Variants in PRPF39 observed in about 807,000 individuals in gnomAD.
The protein encoded by PRPF39 is pre-mRNA processing factor 39.
Under a neutral mutation model 82.1 loss-of-function variants are expected in PRPF39, and 27 were observed. That is an observed-to-expected ratio of 0.33 (90% CI 0.24 to 0.45). The LOEUF is 0.45. Ranked by LOEUF, PRPF39 falls within the 20% of genes least tolerant of loss-of-function variation. The pLI, the probability that PRPF39 is intolerant of heterozygous loss-of-function variation, is 1.00. For missense variants in PRPF39, 581 were observed against 796.9 expected, an observed-to-expected ratio of 0.73 and a Z score of 3.26; for synonymous variants, 261 against 256.4, an observed-to-expected ratio of 1.02 and a Z score of -0.17.
chr14:45,113,839 G>A (rs939059283), intron 11 of PRPF39, among the ~76,000 whole-genome samples: 1 of 152,174 alleles, frequency 6.6e-6, no homozygotes, highest in Non-Finnish European at 1.5e-5. Flanking sequence ...GATCTTGACT[G>A]TGTTGTGCAT....
At position 45,110,346 on chromosome 14, in the gene PRPF39, T is replaced by C. The variant is rs928880867; in HGVS notation, c.1303+126T>C. On this transcript the variant is annotated intron_variant, in intron 9 of 13. Transcript: ENST00000355765. This position sits in a 1 kb window ranked among gnomAD's most constrained non-coding sequence, Gnocchi z 4.0. ...CAAACTTTTTCTCTAAAGGGCCAGA[T>C]AGTAAAAGCCACGTGTTCTGACTTT... 1.5e-6 allele frequency: 2 copies of C among 1,359,382 alleles called. No individual in the cohort carries two copies. The highest frequency in any genetic ancestry group is 2.5e-5 in the East Asian group (1 of 39,954). The allele number at this position is 1,359,382 out of a possible 1,614,324, so 84.2% of individuals were successfully genotyped here. A position where few individuals can be genotyped will look rare whatever the true frequency, so the allele number is the denominator to read the frequency against.
Position 45,110,665 on chromosome 14 carries a change from G to T in PRPF39, c.1420G>T (p.Ala474Ser). 6.3e-7 allele frequency: 1 copy of T among 1,576,860 alleles called. No homozygotes were observed. Among genetic ancestry groups the T allele is most frequent in the Admixed American group, 1.8e-5 (1 of 54,320 alleles). Residue 474 changes from alanine (A) to serine (S), a missense_variant, in exon 10 of 14, where the codon GCT (alanine) becomes TCT (serine). Physicochemically the swap from Ala to Ser is moderately conservative, Grantham distance 99. Transcript: ENST00000355765. The surrounding 1 kb of genome is among the most constrained non-coding windows in gnomAD (Gnocchi z 4.0). ...LERRHGNLEE[A>S]EHLLQDAIKN... ...ACGACGGCATGGAAATCTGGAAGAA[G>T]CTGAACATTTGCTTCAGGATGCCAT... is the stretch of plus-strand genomic sequence containing the variant.
intron 5 of PRPF39, 150 bp downstream of exon 5, chr14:45,102,846 C>T (rs1286949688): frequency 5.3e-6 from 4 of 749,644 alleles, no homozygotes; most frequent in Non-Finnish European, 8.2e-6. Context: ...TACATGCTTG[C>T]TTTTGACATT....
At chr14:45,088,313 G>GA (rs1035349849) in intron 1 of PRPF39, 68 of 163,462 alleles carry the variant, frequency 4.2e-4, no homozygotes, top group South Asian at 1.5e-3. Flanking sequence ...AGCAATTGTT[G>GA]AAAAAAAAAT....
intron 5 of PRPF39, among the ~76,000 whole-genome samples, chr14:45,103,399 T>C (rs144509491): frequency 1.3e-5 from 2 of 152,196 alleles, no homozygotes; most frequent in East Asian, 1.9e-4. Context: ...ATGTTTTCTA[T>C]TTTTTGTTAT....
chr14:45,096,527 T>G (rs750177521), intron 3 of PRPF39: 10 of 1,432,774 alleles, frequency 7.0e-6, no homozygotes, highest in Non-Finnish European at 9.3e-6. Flanking sequence ...TACATTTATT[T>G]CTCATTTTCC....
chr14:45,095,414 G>A lies in PRPF39; in HGVS notation c.175G>A (p.Glu59Lys). Residue 59 changes from glutamate to lysine, a missense_variant, in exon 2 of 14, where the codon GAA becomes AAA. Physicochemically the swap from Glu to Lys is moderately conservative, Grantham distance 56. Transcript: ENST00000355765. Reference protein sequence around the residue: ...PNVNASTEETEMASAVDLPVT... With the variant: ...PNVNASTEETKMASAVDLPVT... The stretch of plus-strand genomic sequence containing the variant: ...TGTGAATGCATCTACAGAAGAAACT[G>A]AAATGGCAAGTGCTGTGGACCTTCC... 6.2e-7 allele frequency: 1 copy of A among 1,613,990 alleles called. No homozygotes were observed. Among genetic ancestry groups the A allele is most frequent in the Non-Finnish European group, 8.5e-7 (1 of 1,179,890 alleles).
intron 4 of PRPF39, among the ~76,000 whole-genome samples, chr14:45,102,078 A>AT (rs2139052976): frequency 1.3e-5 from 2 of 152,240 alleles, no homozygotes; most frequent in East Asian, 3.9e-4. Context: ...AAGTGCTGCG[A>AT]TTACAGGCAT....
chr14:45,107,714 A>G, intron 6 of PRPF39, 98 bp downstream of exon 6: 1 of 1,250,970 alleles, frequency 8.0e-7, no homozygotes, highest in Non-Finnish European at 1.1e-6. Context: ...GGGTCACCTG[A>G]GGTCCGGAGT....
intron 4 of PRPF39, 99 bp downstream of exon 4, chr14:45,097,104 C>T (rs1279063355): frequency 2.2e-6 from 3 of 1,393,092 alleles, no homozygotes; most frequent in Non-Finnish European, 1.9e-6. Flanking sequence ...AGTTTAACTT[C>T]TATTCCATTG....
intron 1 of PRPF39, 21 bp from the exon 2 acceptor site, chr14:45,095,200 C>T: frequency 6.9e-7 from 1 of 1,447,414 alleles, no homozygotes; most frequent in Non-Finnish European, 9.4e-7. Flanking sequence ...AGATATTTCT[C>T]TTTTTTTCGT....
chr14:45,103,078 T>C (rs1777618605), intron 5 of PRPF39, among the ~76,000 whole-genome samples: 1 of 152,160 alleles, frequency 6.6e-6, no homozygotes, highest in Non-Finnish European at 1.5e-5. Context: ...TTTTTGAAAC[T>C]TAATGATTTG....
Position 45,096,156 on chromosome 14 carries a change from G to T in PRPF39, c.378G>T (p.Pro126=). 6.3e-7 allele frequency: 1 copy of T among 1,588,742 alleles called. No individual in the cohort carries two copies. Among genetic ancestry groups the T allele is most frequent in the Non-Finnish European group, 8.6e-7 (1 of 1,166,398 alleles). The change falls in exon 3 of 14, where the codon CCG becomes CCT. Residue 126 remains proline, a synonymous_variant. Transcript: ENST00000355765. The part of the protein sequence containing the change: ...KAFDRFFIHY[P]YCYGYWKKYA... ...TTGACAGATTTTTCATACACTATCC[G>T]TATTGCTATGGTTACTGGAAAAAGT...
chr14:45,087,568 T>TTTTTTG (rs1396480320), intron 1 of PRPF39, among the ~76,000 whole-genome samples: 7 of 149,744 alleles, frequency 4.7e-5, no homozygotes, highest in African/African-American at 1.8e-4. Flanking sequence ...GACTGTTTTT[T>TTTTTTG]TTTTGTTTTG....
At chr14:45,095,605 C>A in intron 2 of PRPF39, 42 bp downstream of exon 2, 1 of 1,488,470 alleles carries the variant, frequency 6.7e-7, no homozygotes, top group South Asian at 1.4e-5. Context: ...ACAAATTAAT[C>A]AAGTCATTAA....
chr14:45,100,487 C>T (rs226979), intron 4 of PRPF39, among the ~76,000 whole-genome samples: 20 of 152,166 alleles, frequency 1.3e-4, no homozygotes, highest in Admixed American at 5.9e-4. Context: ...CATAGCTGGG[C>T]GGGAAAGTTG....
intron 1 of PRPF39, among the ~76,000 whole-genome samples, chr14:45,092,572 G>A (rs1488355365): frequency 7.2e-6 from 1 of 139,830 alleles, no homozygotes; most frequent in Non-Finnish European, 1.5e-5. Flanking sequence ...CTGCACTCCC[G>A]CCTGGGTGAC....
chr14:45,104,141 C>T (rs1884455367), intron 5 of PRPF39, among the ~76,000 whole-genome samples: 2 of 149,332 alleles, frequency 1.3e-5, no homozygotes, highest in Admixed American at 1.3e-4. Flanking sequence ...ATATGTTCTC[C>T]TACAAATCTT....
In PRPF39 at chr14:45,095,980, A is replaced by T. The variant is rs975544321; in HGVS notation, c.325-123A>T. ...CTGCTCCATCGGCAGAGCAGCCTGC[A>T]TGTGGAGTTTTTAAGCCTGCCATTT... On this transcript the variant is annotated intron_variant, in intron 2 of 13. Transcript: ENST00000355765. 4 of 822,230 alleles carry T rather than the reference A, an allele frequency of 4.9e-6. 1 individual carries two copies. In the South Asian group the frequency reaches 9.2e-5, roughly 19 times the overall value. The allele number at this position is 822,230 out of a possible 1,614,324, so 50.9% of individuals were successfully genotyped here. A position where few individuals can be genotyped will look rare whatever the true frequency, so the allele number is the denominator to read the frequency against.
Sources: allele counts gnomAD v4.1 joint callset (sites outside exome capture counted in the v4.1 genomes callset), GRCh38; gene constraint gnomAD v4.1.1; non-coding constraint Gnocchi (gnomAD v3.1); transcripts MANE v1.5; gene names NCBI Gene and HGNC (gene_info 2026-07-23, HGNC 2026-07-21).